PDIA6: variants seen among roughly 807,000 people sequenced by gnomAD.
PDIA6 encodes the protein protein disulfide isomerase family A member 6, also known as protein disulfide-isomerase A6.
Under a neutral mutation model 58.4 loss-of-function variants are expected in PDIA6, and 29 were observed. The observed-to-expected ratio is 0.50, with a 90% CI of 0.37 to 0.68. The LOEUF (loss-of-function observed/expected upper bound fraction) is 0.68, where lower values mean the gene tolerates loss of function less well. Ranked by LOEUF, PDIA6 falls within the 30% of genes least tolerant of loss-of-function variation. PDIA6 has a pLI of 0.00. For synonymous variants in PDIA6, 192 were observed against 202.6 expected, an observed-to-expected ratio of 0.95 and a Z score of 0.44; for missense variants, 480 against 551.0, an observed-to-expected ratio of 0.87 and a Z score of 1.29.
intron 1 of PDIA6, among the ~76,000 whole-genome samples, chr2:10,828,495 G>C (rs555138147): frequency 1.3e-5 from 2 of 152,294 alleles, no homozygotes; most frequent in South Asian, 4.1e-4. Flanking sequence ...CCTGAGACCA[G>C]AGGAATGCGA....
chr2:10,821,012 G>C (rs1007133640), intron 1 of PDIA6: 16 of 577,712 alleles, frequency 2.8e-5, no homozygotes, highest in Middle Eastern at 3.1e-4. Flanking sequence ...CGAAGGGGAG[G>C]GGGGTGGATT....
chr2:10,833,048 G>A (rs553020959), upstream of PDIA6, among the ~76,000 whole-genome samples: 21 of 152,190 alleles, frequency 1.4e-4, no homozygotes, highest in African/African-American at 4.8e-4. Context: ...GATGATATTG[G>A]GGCATGGAGA....
intron 7 of PDIA6, 69 bp downstream of exon 7, chr2:10,790,650 T>C: frequency 2.7e-6 from 3 of 1,102,998 alleles, no homozygotes; most frequent in South Asian, 1.3e-5. Flanking sequence ...TAGGGAGGCC[T>C]GGAGTATTGG....
chr2:10,835,184 G>A (rs1667805514), upstream of PDIA6, among the ~76,000 whole-genome samples: 1 of 152,104 alleles, frequency 6.6e-6, no homozygotes, highest in Admixed American at 6.5e-5. Context: ...GGCCCCGGGC[G>A]GTGCACTTTA....
rs1666050575 is a variant in PDIA6 at position 10,791,879 on chromosome 2, T to C, written c.500A>G (p.Asp167Gly). 6 of 1,613,578 alleles carry C rather than the reference T, an allele frequency of 3.7e-6. No homozygotes were observed. The Middle Eastern group carries it at 6.6e-4, about 177-fold the overall frequency. ...CAGAACATTCTTATCAAAGCTGTCG[T>C]CTGTCAGCTCAATCACATCCTTCTT... ...SSKKDVIELTDDSFDKNVLDS... is the reference protein window; with the variant it reads ...SSKKDVIELTGDSFDKNVLDS... The change falls in exon 6 of 13, where the codon GAC becomes GGC. Residue 167 changes from aspartate (D) to glycine (G), a missense_variant. By Grantham distance (94) the Asp-to-Gly change is moderately conservative (BLOSUM62 -1). Transcript: ENST00000272227.
At chr2:10,812,563 G>T in intron 1 of PDIA6, 115 bp downstream of exon 1, 4 of 1,085,196 alleles carry the variant, frequency 3.7e-6, no homozygotes, top group Non-Finnish European at 3.7e-6. Context: ...CCTCCCGCCC[G>T]CCAGGCCCAC....
chr2:10,820,535 T>C (rs13432104), intron 1 of PDIA6, among the ~76,000 whole-genome samples: 38,367 of 152,178 alleles, frequency 0.25, 5,096 homozygotes, highest in Non-Finnish European at 0.27. Flanking sequence ...GGCATTCCCC[T>C]GTGTAAGTTT....
In PDIA6 at chr2:10,819,410, G is replaced by T. The variant is rs1572700419; in HGVS notation, c.-47-56C>A. 4 of 1,031,394 alleles carry T rather than the reference G, an allele frequency of 3.9e-6. No individual in the cohort carries two copies. In the East Asian group the frequency reaches 7.8e-5, roughly 20 times the overall value. 63.9% of individuals were successfully genotyped at this position (1,031,394 alleles called of 1,614,324 possible). ...AGGTGGGGATGGGGAAACTATTACC[G>T]AATGTTCACCATATGCCAGGCTCCA... On this transcript the variant is annotated intron_variant, in intron 1 of 13. Transcript: ENST00000381611.
intron 1 of PDIA6, among the ~76,000 whole-genome samples, chr2:10,806,198 T>A (rs1325929160): frequency 6.6e-6 from 1 of 150,886 alleles, no homozygotes; most frequent in Non-Finnish European, 1.5e-5. Context: ...TGAGACCCCC[T>A]CTCTAAAAAA....
chr2:10,803,911 G>GTTTTCTTTTTTT (rs1553339552), intron 1 of PDIA6, among the ~76,000 whole-genome samples: 1 of 117,892 alleles, frequency 8.5e-6, no homozygotes, highest in Non-Finnish European at 1.8e-5. Flanking sequence ...TAGTTTTTGT[G>GTTTTCTTTTTTT]TTTTTTTTTT....
chr2:10,797,787 A>G (rs1206557470), intron 2 of PDIA6, 30 bp from the exon 3 acceptor site: 4 of 1,563,514 alleles, frequency 2.6e-6, no homozygotes, highest in Non-Finnish European at 3.5e-6. Flanking sequence ...CAAAGCAACC[A>G]TTAAAGCCTT....
upstream of PDIA6, among the ~76,000 whole-genome samples, chr2:10,836,295 G>A (rs1667830960): frequency 6.6e-6 from 1 of 152,182 alleles, no homozygotes; most frequent in Admixed American, 6.5e-5. Flanking sequence ...GCAGACACTG[G>A]CAACGTCAGG....
intron 2 of PDIA6, among the ~76,000 whole-genome samples, chr2:10,817,921 T>A (rs1278129926): frequency 6.6e-6 from 1 of 152,206 alleles, no homozygotes; most frequent in Non-Finnish European, 1.5e-5. Context: ...GGCTTAATGT[T>A]CTCAGGGTGA....
At chr2:10,790,391 A>C (rs1665979649) in intron 7 of PDIA6, among the ~76,000 whole-genome samples, 1 of 152,244 alleles carries the variant, frequency 6.6e-6, no homozygotes, top group Non-Finnish European at 1.5e-5. Flanking sequence ...AGCCAATCAT[A>C]TTCAAGCCCT....
chr2:10,803,731 T>C (rs1193196929), intron 1 of PDIA6, among the ~76,000 whole-genome samples: 1 of 152,078 alleles, frequency 6.6e-6, no homozygotes, highest in African/African-American at 2.4e-5. Flanking sequence ...ACTATCAAAA[T>C]TTCACCTTTT....
chr2:10,788,719 T>C lies in PDIA6; in HGVS notation c.976A>G (p.Lys326Glu), dbSNP rs757725209. The C allele has an allele frequency of 2.9e-5, 46 of 1,613,058 alleles. No homozygotes were observed. The highest frequency in any genetic ancestry group is 3.6e-5 in the Non-Finnish European group (43 of 1,179,076). Residue 326 changes from lysine to glutamate, a missense_variant, in exon 10 of 13, where the codon AAA (lysine) becomes GAA (glutamate). Physicochemically the swap from Lys to Glu is moderately conservative, Grantham distance 56. Coordinates refer to ENST00000272227, the MANE Select transcript of PDIA6 (RefSeq NM_005742.4). ...TACCCCCACATTTTCTTTTTGTATT[T>C]GTCTGCCAACTTCAGAAGAACTTCC... The part of the protein sequence containing the change: ...YLEVLLKLAD[K>E]YKKKMWGWLW...
chr2:10,805,884 G>A (rs1207136956), intron 1 of PDIA6, among the ~76,000 whole-genome samples: 1 of 75,140 alleles, frequency 1.3e-5, no homozygotes, highest in African/African-American at 4.2e-5. Flanking sequence ...CACAGGAAGG[G>A]GAATATCACA....
intron 1 of PDIA6, among the ~76,000 whole-genome samples, chr2:10,805,156 C>T (rs796773047): frequency 6.0e-5 from 9 of 148,974 alleles, no homozygotes; most frequent in Non-Finnish European, 1.2e-4. Flanking sequence ...TCGCAACCTA[C>T]TCATCTGACA....
Position 10,791,898 on chromosome 2 carries a change from C to G in PDIA6, c.481G>C (p.Asp161His), listed in dbSNP as rs1327203454. 2 of 1,614,052 alleles carry G rather than the reference C, an allele frequency of 1.2e-6. No individual in the cohort carries two copies. Among genetic ancestry groups the G allele is most frequent in the Admixed American group, 1.7e-5 (1 of 60,020 alleles). Residue 161 changes from aspartate to histidine, a missense_variant, in exon 6 of 13, where the codon GAT becomes CAT. Coordinates refer to ENST00000272227, the MANE Select transcript of PDIA6 (RefSeq NM_005742.4). ...QGRSDSSSKK[D>H]VIELTDDSFD... Reference sequence around the variant, plus strand: ...CTGTCGTCTGTCAGCTCAATCACATCCTTCTTACTTGAACTATCACTTCTG... The same window carrying G: ...CTGTCGTCTGTCAGCTCAATCACATGCTTCTTACTTGAACTATCACTTCTG...
Sources: gnomAD v4.1 joint callset for allele counts (sites outside exome capture counted in the v4.1 genomes callset) on GRCh38, gnomAD v4.1.1 for gene constraint, MANE v1.5 for transcripts, NCBI Gene and HGNC (gene_info 2026-07-23, HGNC 2026-07-21) for gene names.